SERPINE2: variants seen among roughly 807,000 people sequenced by gnomAD.
The protein encoded by SERPINE2 is glia-derived nexin.
In SERPINE2, 14 loss-of-function variants were observed where a neutral mutation model predicts 36.3. The ratio of observed to expected loss-of-function variants is 0.39; its 90% CI spans 0.25 to 0.60. The LOEUF is 0.60. Ranked by LOEUF, SERPINE2 falls within the 20% of genes least tolerant of loss-of-function variation. SERPINE2 has a pLI of 0.57. For missense variants in SERPINE2, 418 were observed against 499.6 expected (o/e 0.84, Z 1.56); for synonymous variants, 192 against 191.8 (o/e 1.00, Z -0.01).
At chr2:223,990,868 C>T (rs1015855278) in intron 4 of SERPINE2, among the ~76,000 whole-genome samples, 2 of 152,152 alleles carry the variant, frequency 1.3e-5, no homozygotes, top group African/African-American at 4.8e-5. Context: ...ATCCCAGCTA[C>T]ATGAGAGGCT....
intron 1 of SERPINE2, among the ~76,000 whole-genome samples, chr2:224,028,318 A>G (rs569773581): frequency 6.6e-5 from 10 of 152,344 alleles, no homozygotes; most frequent in African/African-American, 2.2e-4. Context: ...TAATATCCTC[A>G]TCATTCTCTA....
At chr2:224,006,173 C>T (rs1247306200) in intron 1 of SERPINE2, among the ~76,000 whole-genome samples, 6 of 152,124 alleles carry the variant, frequency 3.9e-5, no homozygotes, top group African/African-American at 1.4e-4. Context: ...TCAACCATCT[C>T]TTCTACACAG....
At chr2:223,999,040 A>C (rs1418519787) in intron 2 of SERPINE2, among the ~76,000 whole-genome samples, 1 of 152,194 alleles carries the variant, frequency 6.6e-6, no homozygotes, top group Non-Finnish European at 1.5e-5. Context: ...TTTCTTGTCT[A>C]ACGTTATTAA....
At chr2:224,020,927 T>C (rs1001284026) in intron 1 of SERPINE2, among the ~76,000 whole-genome samples, 1 of 152,200 alleles carries the variant, frequency 6.6e-6, no homozygotes, top group Non-Finnish European at 1.5e-5. Context: ...GAATGGATGG[T>C]CAAAGGTTTT....
intron 1 of SERPINE2, among the ~76,000 whole-genome samples, chr2:224,006,089 C>T (rs77549689): frequency 0.012 from 1,812 of 152,234 alleles, 46 homozygotes; most frequent in African/African-American, 0.042. Context: ...CAAAATATAA[C>T]CCTAACATTT....
In SERPINE2 at chr2:224,039,238, C is replaced by G. The variant is rs1692634297; in HGVS notation, c.-162G>C. On this transcript the variant is annotated 5_prime_UTR_variant, in exon 1 of 9. Coordinates refer to ENST00000409304, the MANE Select transcript of SERPINE2 (RefSeq NM_001136528.2). The surrounding 1 kb of genome is among the most constrained non-coding windows in gnomAD (Gnocchi z 5.2). ...GAGGAGGGTCACAGCCGGAAAGAGG[C>G]AGCGGTGGCGCCTGCAGACGCCGCG... is the stretch of plus-strand genomic sequence containing the variant. 6.6e-6 allele frequency: 1 copy of G among 150,836 alleles called. No individual in the cohort carries two copies. Among genetic ancestry groups the G allele is most frequent in the African/African-American group, 2.4e-5 (1 of 41,320 alleles). 9.3% of individuals were successfully genotyped at this position (150,836 alleles called of 1,614,324 possible). A position where few individuals can be genotyped will look rare whatever the true frequency, so the allele number is the denominator to read the frequency against.
At chr2:224,019,858 G>A (rs1574844519) in intron 1 of SERPINE2, among the ~76,000 whole-genome samples, 1 of 151,408 alleles carries the variant, frequency 6.6e-6, no homozygotes. Flanking sequence ...TCATTGTAGG[G>A]GGCTATCCTG....
chr2:224,008,047 A>G (rs1691491641), intron 1 of SERPINE2, among the ~76,000 whole-genome samples: 1 of 152,232 alleles, frequency 6.6e-6, no homozygotes, highest in Admixed American at 6.5e-5. Flanking sequence ...GCAAAGCCAA[A>G]AACAGTTATT....
Position 224,027,740 on chromosome 2 carries a change from A to G in SERPINE2, c.-23+11359T>C, listed in dbSNP as rs148180539. 7.5e-4 allele frequency among the ~76,000 whole-genome samples: 114 copies of G among 152,298 alleles called. 1 individual carries two copies. The highest frequency in any genetic ancestry group is 2.6e-3 in the African/African-American group (108 of 41,562). On this transcript the variant is annotated intron_variant, in intron 1 of 8. Transcript: ENST00000409304. ...AGACTATCTCAAATTGTTATTAAAT[A>G]TCATGGATGTGCCCTTTCTACCTAA... is the stretch of plus-strand genomic sequence containing the variant.
At chr2:224,020,075 C>T (rs1027336499) in intron 1 of SERPINE2, among the ~76,000 whole-genome samples, 14 of 152,184 alleles carry the variant, frequency 9.2e-5, no homozygotes, top group Non-Finnish European at 1.6e-4. Flanking sequence ...GCCTAGTTAA[C>T]CCATACTTTG....
At chr2:224,026,573 G>C (rs1481559338) in intron 1 of SERPINE2, among the ~76,000 whole-genome samples, 1 of 152,100 alleles carries the variant, frequency 6.6e-6, no homozygotes, top group Non-Finnish European at 1.5e-5. Flanking sequence ...ATTTTGTAAG[G>C]ACCCTACTAG....
chr2:223,990,769 G>A (rs1480626692), intron 4 of SERPINE2, among the ~76,000 whole-genome samples: 1 of 152,120 alleles, frequency 6.6e-6, no homozygotes, highest in East Asian at 1.9e-4. Flanking sequence ...CTTAGGCCCA[G>A]GAGTTCAAGA....
chr2:223,989,195 T>C (rs954680608), intron 4 of SERPINE2, among the ~76,000 whole-genome samples: 15 of 152,252 alleles, frequency 9.9e-5, no homozygotes, highest in Non-Finnish European at 2.1e-4. Context: ...GAAGTACTTC[T>C]ACTTTATGGG....
At chr2:224,038,858 T>TCCCGGCGGGCGGGACCGGGATG (rs1392017132) in intron 1 of SERPINE2, 3 of 251,928 alleles carry the variant, frequency 1.2e-5, no homozygotes, top group African/African-American at 2.2e-5. Context: ...CGCTCGGGGC[T>TCCCGGCGGGCGGGACCGGGATG]CCCGGCGGGC....
intron 1 of SERPINE2, among the ~76,000 whole-genome samples, chr2:224,012,590 G>A (rs368190652): frequency 0.01 from 1,049 of 103,510 alleles, 16 homozygotes; most frequent in African/African-American, 0.028. Flanking sequence ...GCGACAGAGC[G>A]AGACTCCATC....
chr2:223,989,971 T>A (rs1051235035), intron 4 of SERPINE2, among the ~76,000 whole-genome samples: 1 of 151,980 alleles, frequency 6.6e-6, no homozygotes, highest in Non-Finnish European at 1.5e-5. Flanking sequence ...ATGGCTAGCC[T>A]TGGGCTGGGA....
At chr2:224,015,764 A>G (rs961999185) in intron 1 of SERPINE2, among the ~76,000 whole-genome samples, 6 of 152,208 alleles carry the variant, frequency 3.9e-5, no homozygotes, top group Non-Finnish European at 5.9e-5. Context: ...GTTTCATAAA[A>G]CGAAAAACTG....
chr2:223,996,493 C>A (rs536191029), intron 3 of SERPINE2, among the ~76,000 whole-genome samples: 57 of 152,318 alleles, frequency 3.7e-4, no homozygotes, highest in African/African-American at 1.3e-3. Flanking sequence ...CTCCCTGGAG[C>A]CTTCTTTGTC....
chr2:224,025,184 C>A (rs1008065143), intron 1 of SERPINE2, among the ~76,000 whole-genome samples: 10 of 152,204 alleles, frequency 6.6e-5, no homozygotes, highest in Non-Finnish European at 1.0e-4. Context: ...ACTGGCACGG[C>A]CAAGGGCTTC....
Sources: allele counts gnomAD v4.1 joint callset (sites outside exome capture counted in the v4.1 genomes callset), GRCh38; gene constraint gnomAD v4.1.1; non-coding constraint Gnocchi (gnomAD v3.1); transcripts MANE v1.5; gene names NCBI Gene and HGNC (gene_info 2026-07-23, HGNC 2026-07-21).